The following KCNIP4 variants were observed in gnomAD, a reference collection of about 807,000 sequenced individuals.
KCNIP4 encodes the protein Kv channel-interacting protein 4.
In KCNIP4, 12 loss-of-function variants were observed where a neutral mutation model predicts 34.0. That is an observed-to-expected ratio of 0.35 (90% confidence interval 0.23 to 0.57). The LOEUF is 0.57. KCNIP4 is among the 20% of genes least tolerant of loss of function. The pLI is 0.83. For synonymous variants in KCNIP4, 124 were observed against 102.2 expected (o/e 1.21, Z -1.29); for missense variants, 238 against 311.7 (o/e 0.76, Z 1.78).
At chr4:21,001,236 T>G (rs1402207513) in intron 1 of KCNIP4, among the ~76,000 whole-genome samples, 1 of 152,238 alleles carries the variant, frequency 6.6e-6, no homozygotes, top group African/African-American at 2.4e-5. Context: ...TTAAATATTT[T>G]GTATTGTTAT....
chr4:21,110,742 C>T (rs919557380), intron 1 of KCNIP4, among the ~76,000 whole-genome samples: 1 of 152,144 alleles, frequency 6.6e-6, no homozygotes, highest in Admixed American at 6.5e-5. Flanking sequence ...TGTGAGAGCT[C>T]TCTCTCTCCT....
At chr4:21,933,912 T>A (rs1008060815) in intron 1 of KCNIP4, among the ~76,000 whole-genome samples, 1 of 152,166 alleles carries the variant, frequency 6.6e-6, no homozygotes, top group Non-Finnish European at 1.5e-5. Flanking sequence ...GAAAGTGCTA[T>A]GGTGTCTTTA....
chr4:21,050,051 C>A (rs1216826992), intron 1 of KCNIP4, among the ~76,000 whole-genome samples: 5 of 152,096 alleles, frequency 3.3e-5, no homozygotes, highest in Admixed American at 3.3e-4. Context: ...CTATTAGTTG[C>A]AAAACTTTTA....
rs142742477 is a variant in KCNIP4, at chr4:21,538,554, T to A, written c.61+410017A>T. Among the ~76,000 whole-genome samples, 165 of 152,298 alleles carry A rather than the reference T, an allele frequency of 1.1e-3. 3 individuals carry two copies. Among genetic ancestry groups the A allele is most frequent in the African/African-American group, 3.8e-3 (157 of 41,566 alleles). On this transcript the variant is annotated intron_variant, in intron 1 of 8. Coordinates refer to ENST00000382152, the MANE Select transcript of KCNIP4 (RefSeq NM_025221.6). The stretch of plus-strand genomic sequence containing the variant: ...CTTCTCATCCTCCTCTTCCTCATTA[T>A]TCCTTGGCTTACAAGCTAATGCATA...
At chr4:20,980,809 TA>T (rs547579828) in intron 1 of KCNIP4, among the ~76,000 whole-genome samples, 9,307 of 130,860 alleles carry the variant, frequency 0.071, 815 homozygotes, top group African/African-American at 0.21. Context: ...TTCTCCACCA[TA>T]AAAAAAAAAA....
chr4:21,475,092 T>G (rs569344665), intron 1 of KCNIP4, among the ~76,000 whole-genome samples: 1 of 152,218 alleles, frequency 6.6e-6, no homozygotes, highest in East Asian at 1.9e-4. Context: ...TTGCCTACCT[T>G]ATATTCTTTA....
At chr4:21,289,634 A>G (rs541387106) in intron 1 of KCNIP4, among the ~76,000 whole-genome samples, 108 of 152,310 alleles carry the variant, frequency 7.1e-4, no homozygotes, top group Admixed American at 2.0e-3. Flanking sequence ...ATTCCTGCCT[A>G]GTAAGCCATT....
At chr4:21,255,473 G>A (rs188740819) in intron 1 of KCNIP4, among the ~76,000 whole-genome samples, 2 of 151,984 alleles carry the variant, frequency 1.3e-5, no homozygotes, top group East Asian at 3.9e-4. Context: ...ATTTGTCAAT[G>A]TTCAGTTCCT....
intron 3 of KCNIP4, among the ~76,000 whole-genome samples, chr4:20,763,185 A>C (rs1424067047): frequency 5.3e-5 from 8 of 152,200 alleles, no homozygotes; most frequent in Admixed American, 1.3e-4. Context: ...ACCTAACCTG[A>C]AAATCTGAAA....
At chr4:20,960,841 G>A (rs1733777585) in intron 1 of KCNIP4, among the ~76,000 whole-genome samples, 1 of 152,104 alleles carries the variant, frequency 6.6e-6, no homozygotes, top group Non-Finnish European at 1.5e-5. Flanking sequence ...GGAGTCAGAG[G>A]GTCCTGTAAG....
chr4:20,831,154 T>C (rs190770403), intron 3 of KCNIP4, among the ~76,000 whole-genome samples: 3 of 152,328 alleles, frequency 2.0e-5, no homozygotes, highest in East Asian at 3.9e-4. Flanking sequence ...ATCTATTCCA[T>C]TGGAAGGGCT....
chr4:20,984,477 AACAATCAGTTCT>A, intron 1 of KCNIP4, among the ~76,000 whole-genome samples: 1 of 152,194 alleles, frequency 6.6e-6, no homozygotes, highest in South Asian at 2.1e-4. Context: ...AATGCTAGGA[AACAATCAGTTCT>A]GGTGGCTGGT....
intron 2 of KCNIP4, among the ~76,000 whole-genome samples, chr4:20,865,902 A>G (rs1722829807): frequency 6.6e-6 from 1 of 152,094 alleles, no homozygotes; most frequent in South Asian, 2.1e-4. Flanking sequence ...TTGCTTGACT[A>G]CAGTAAGTGT....
intron 1 of KCNIP4, among the ~76,000 whole-genome samples, chr4:21,550,020 G>T (rs73801669): frequency 6.6e-6 from 1 of 152,130 alleles, no homozygotes; most frequent in Non-Finnish European, 1.5e-5. Context: ...TCCAGCTACA[G>T]CATAATGGCA....
intron 1 of KCNIP4, among the ~76,000 whole-genome samples, chr4:21,230,905 T>C (rs1210241838): frequency 6.6e-6 from 1 of 152,156 alleles, no homozygotes; most frequent in African/African-American, 2.4e-5. Context: ...GATCAAATGG[T>C]ATTTCTGGTT....
Position 21,333,904 on chromosome 4 carries a change from G to A in KCNIP4, c.62-451195C>T, listed in dbSNP as rs73802570. Reference sequence around the variant, plus strand: ...TTTAATAACTCGGTGCAAAAACTTCGGAAATTTTTATACCACTACTCTATC... The same window carrying A: ...TTTAATAACTCGGTGCAAAAACTTCAGAAATTTTTATACCACTACTCTATC... On this transcript the variant is annotated intron_variant, in intron 1 of 8. Coordinates refer to ENST00000382152, the MANE Select transcript of KCNIP4 (RefSeq NM_025221.6). Among the ~76,000 whole-genome samples the A allele has an allele frequency of 8.2e-3, 1,250 of 152,100 alleles. 21 individuals carry two copies. The highest frequency in any genetic ancestry group is 0.029 in the African/African-American group (1,189 of 41,518).
chr4:21,180,789 T>C (rs1048161075), intron 1 of KCNIP4, among the ~76,000 whole-genome samples: 11 of 151,430 alleles, frequency 7.3e-5, no homozygotes, highest in African/African-American at 2.7e-4. Context: ...TATTTGTATA[T>C]ACATACAGAC....
At chr4:21,113,658 AT>A (rs1172766295) in intron 1 of KCNIP4, among the ~76,000 whole-genome samples, 1 of 152,150 alleles carries the variant, frequency 6.6e-6, no homozygotes, top group African/African-American at 2.4e-5. Flanking sequence ...ATGTGCAAGC[AT>A]TAGCAACTAT....
intron 1 of KCNIP4, among the ~76,000 whole-genome samples, chr4:21,191,884 TTGTG>T (rs1247286750): frequency 1.3e-5 from 2 of 152,184 alleles, no homozygotes; most frequent in East Asian, 3.9e-4. Flanking sequence ...AGATCCTTGT[TTGTG>T]TTAGTATTTT....
Sources: gnomAD v4.1 joint callset for allele counts (sites outside exome capture counted in the v4.1 genomes callset) on GRCh38, gnomAD v4.1.1 for gene constraint, MANE v1.5 for transcripts, NCBI Gene and HGNC (gene_info 2026-07-23, HGNC 2026-07-21) for gene names.